BLTP1: variants seen among roughly 807,000 people sequenced by gnomAD.
BLTP1 encodes bridge-like lipid transfer protein family member 1.
the BLTP1 span, chr4:122,264,247 A>T: frequency 6.3e-7 from 1 of 1,590,258 alleles, no homozygotes; most frequent in Admixed American, 1.8e-5. Context: ...AATTTACTCC[A>T]TTAGGTGTTG....
the BLTP1 span, chr4:122,189,292 T>TA: frequency 1.0e-6 from 1 of 977,920 alleles, no homozygotes; most frequent in Non-Finnish European, 1.2e-6. Context: ...TTAATTTTGA[T>TA]ATGCAAGAAG....
chr4:122,250,290 C>T, the BLTP1 span: 8 of 1,420,762 alleles, frequency 5.6e-6, no homozygotes, highest in South Asian at 1.3e-5. Context: ...AAATTTTATA[C>T]AGATATTGTA....
chr4:122,159,648 T>C, the BLTP1 span, among the ~76,000 whole-genome samples: 34 of 152,308 alleles, frequency 2.2e-4, no homozygotes, highest in Admixed American at 2.2e-3. Flanking sequence ...AGTGCTGTGC[T>C]GTGAGTTTTA....
chr4:122,312,918 T>A, the BLTP1 span: 1 of 870,864 alleles, frequency 1.1e-6, no homozygotes, highest in Non-Finnish European at 1.4e-6. Context: ...CTTCTAAGGA[T>A]GACTGAGGAA....
the BLTP1 span, chr4:122,261,444 C>T: frequency 3.0e-6 from 3 of 984,674 alleles, no homozygotes; most frequent in African/African-American, 5.2e-5. Flanking sequence ...TCTTTTTTGC[C>T]TGTGTAGTCT....
At chr4:122,157,098 T>C in the BLTP1 span, among the ~76,000 whole-genome samples, 2 of 152,168 alleles carry the variant, frequency 1.3e-5, no homozygotes, top group African/African-American at 4.8e-5. Context: ...TAAGATGACG[T>C]ATATGAATCA....
At chr4:122,198,440 T>C in the BLTP1 span, 1 of 985,310 alleles carries the variant, frequency 1.0e-6, no homozygotes. Context: ...TTTTACGCAA[T>C]TGATAATGTT....
chr4:122,200,683 C>T, the BLTP1 span: 1 of 984,772 alleles, frequency 1.0e-6, no homozygotes, highest in Non-Finnish European at 1.2e-6. Flanking sequence ...GAGCCTGTCA[C>T]TTAACAGATG....
At chr4:122,289,128 C>T in the BLTP1 span, 1 of 1,609,778 alleles carries the variant, frequency 6.2e-7, no homozygotes, top group East Asian at 2.2e-5. Flanking sequence ...ATCTTCTAAA[C>T]CACTTGGTAT....
chr4:122,276,899 T>C, the BLTP1 span: 2 of 985,380 alleles, frequency 2.0e-6, no homozygotes, highest in Non-Finnish European at 2.4e-6. Context: ...TTTATCCTAA[T>C]AAAAGTTAAA....
At chr4:122,355,491 A>C in the BLTP1 span, among the ~76,000 whole-genome samples, 1 of 150,924 alleles carries the variant, frequency 6.6e-6, no homozygotes, top group African/African-American at 2.4e-5. Context: ...GGGTTTATAC[A>C]AATCCCATTA....
chr4:122,262,883 C>A, the BLTP1 span: 2 of 1,613,978 alleles, frequency 1.2e-6, no homozygotes, highest in African/African-American at 2.7e-5. Context: ...AGAGCCTACT[C>A]AGCTACCTGA....
At chr4:122,207,511 C>CTTTTTTTT in the BLTP1 span, 4 of 1,324,424 alleles carry the variant, frequency 3.0e-6, no homozygotes, top group East Asian at 2.8e-5. Context: ...TTTACTTTTT[C>CTTTTTTTT]TTCTTTTTTT....
At chr4:122,324,278 C>G in the BLTP1 span, 1 of 688,186 alleles carries the variant, frequency 1.5e-6, no homozygotes, top group African/African-American at 1.9e-5. Context: ...ATAGCTGATT[C>G]CTCCTCTATT....
chr4:122,329,313 G>A, the BLTP1 span, among the ~76,000 whole-genome samples: 1 of 151,348 alleles, frequency 6.6e-6, no homozygotes, highest in Non-Finnish European at 1.5e-5. Context: ...ATCCATATTC[G>A]GCATATGCTG....
the BLTP1 span, chr4:122,231,726 G>T: frequency 1.2e-4 from 116 of 975,180 alleles, no homozygotes; most frequent in Non-Finnish European, 1.4e-4. Flanking sequence ...TTTTATATGG[G>T]GTGCATGTGT....
chr4:122,306,422 C>G, the BLTP1 span: 1 of 231,434 alleles, frequency 4.3e-6, no homozygotes, highest in Non-Finnish European at 7.1e-6. Flanking sequence ...AACAGTATCC[C>G]TGCCCTCAAG....
At chr4:122,291,639 G>T in the BLTP1 span, 13 of 678,920 alleles carry the variant, frequency 1.9e-5, no homozygotes, top group African/African-American at 2.5e-4. Context: ...TCAGAAAGAT[G>T]TAAGTAAGCA....
the BLTP1 span, among the ~76,000 whole-genome samples, chr4:122,195,268 C>A: frequency 1.3e-5 from 2 of 152,208 alleles, no homozygotes; most frequent in African/African-American, 2.4e-5. Context: ...AGTTCTACTA[C>A]CTTTACATGG....
Sources: allele counts gnomAD v4.1 joint callset (sites outside exome capture counted in the v4.1 genomes callset), GRCh38; gene constraint gnomAD v4.1.1; transcripts MANE v1.5; gene names NCBI Gene and HGNC (gene_info 2026-07-23, HGNC 2026-07-21).